The following ANK3 variants were observed in gnomAD, a reference collection of about 807,000 sequenced individuals.
The protein encoded by ANK3 is ankyrin-3.
In ANK3, 57 loss-of-function variants were observed where a neutral mutation model predicts 370.9. The observed-to-expected ratio is 0.15, with a 90% CI of 0.12 to 0.19. The LOEUF is 0.19. Among genes scored for constraint, ANK3 ranks in the 10% least tolerant of loss-of-function variants. The pLI, the probability that ANK3 is intolerant of heterozygous loss-of-function variation, is 1.00. For missense variants in ANK3, 4,439 were observed against 5,302.1 expected, an observed-to-expected ratio of 0.84 and a Z score of 5.06; for synonymous variants, 1,929 against 1,946.3, an observed-to-expected ratio of 0.99 and a Z score of 0.23.
At position 60,072,326 on chromosome 10, in the gene ANK3, A is replaced by C. The variant is rs1417254699; in HGVS notation, c.8555T>G (p.Phe2852Cys). 9 of 1,613,904 alleles carry C rather than the reference A, an allele frequency of 5.6e-6. No individual in the cohort carries two copies. The highest frequency in any genetic ancestry group is 7.6e-6 in the Non-Finnish European group (9 of 1,180,000). The change falls in exon 37 of 44, where the codon TTT (phenylalanine) becomes TGT (cysteine). Residue 2852 changes from phenylalanine (F) to cysteine (C), a missense_variant. Around this residue, in one of 13 missense-constraint regions of ANK3, gnomAD observed 1,601 missense variants for 1,731.7 expected, o/e 0.92. Transcript: ENST00000280772. Reference sequence around the variant, plus strand: ...GGCTCCCGAACTCTCCCATGTTCTAAAGACCTTTTTGTCCCATGGTCCCCT... The same window carrying C: ...GGCTCCCGAACTCTCCCATGTTCTACAGACCTTTTTGTCCCATGGTCCCCT... ...ATRGPWDKKV[F>C]RTWESSGATN...
intron 25 of ANK3, among the ~76,000 whole-genome samples, chr10:60,125,616 C>T (rs891345623): frequency 1.3e-5 from 2 of 152,106 alleles, no homozygotes; most frequent in Admixed American, 6.5e-5. Flanking sequence ...CGTTTCTGAG[C>T]ACCCCCCTTA....
chr10:60,258,833 A>G lies in ANK3; in HGVS notation c.798+3026T>C, dbSNP rs192976494. Among the ~76,000 whole-genome samples the G allele has an allele frequency of 6.8e-4, 103 of 152,334 alleles. 4 individuals are homozygous for G. In the East Asian group the frequency reaches 9.3e-3, roughly 14 times the overall value. ...CCCTACTGTATTTTGTCACAGGCAG[A>G]AAACAGAAATTGCAGCCCCCCAAGA... On this transcript the variant is annotated intron_variant, in intron 7 of 43. Transcript: ENST00000280772.
chr10:60,572,820 C>G, intron 2 of ANK3: 1 of 1,165,186 alleles, frequency 8.6e-7, no homozygotes, highest in Non-Finnish European at 1.1e-6. Context: ...CTAATCGTTA[C>G]CCTGAGATAA....
chr10:60,115,535 A>G (rs1279551897), intron 25 of ANK3, among the ~76,000 whole-genome samples: 2 of 152,238 alleles, frequency 1.3e-5, no homozygotes, highest in African/African-American at 2.4e-5. Context: ...AGGTAAGCTA[A>G]TAAGTGCTTT....
Position 60,219,023 on chromosome 10 carries a change from C to A in ANK3, c.898-5513G>T, listed in dbSNP as rs1174565057. 4.6e-5 allele frequency among the ~76,000 whole-genome samples: 7 copies of A among 151,776 alleles called. No individual in the cohort carries two copies. The East Asian group carries it at 1.2e-3, about 25-fold the overall frequency. On this transcript the variant is annotated intron_variant, in intron 8 of 43. Coordinates refer to ENST00000280772, the MANE Select transcript of ANK3 (RefSeq NM_020987.5). The stretch of plus-strand genomic sequence containing the variant: ...GTCTTGTCTGCATGCCTTATTTCAG[C>A]AAGGTAGTCTTCAAATTCTGATATC...
intron 1 of ANK3, among the ~76,000 whole-genome samples, chr10:60,308,295 C>CTTTT (rs66593889): frequency 2.6e-4 from 22 of 84,106 alleles, no homozygotes; most frequent in South Asian, 5.2e-4. Context: ...GGGAATCTGG[C>CTTTT]TTTTTTTTTT....
At chr10:60,597,778 G>A (rs1307634899) in intron 2 of ANK3, among the ~76,000 whole-genome samples, 1 of 152,074 alleles carries the variant, frequency 6.6e-6, no homozygotes, top group Admixed American at 6.6e-5. Flanking sequence ...AACTCAAGGA[G>A]AATAAAATCT....
chr10:60,058,961 G>A (rs1244228583), intron 41 of ANK3, among the ~76,000 whole-genome samples: 1 of 152,110 alleles, frequency 6.6e-6, no homozygotes, highest in Non-Finnish European at 1.5e-5. Flanking sequence ...CACCATGTTG[G>A]CCAGGCTGGT....
At chr10:60,259,168 A>T (rs899256943) in intron 7 of ANK3, among the ~76,000 whole-genome samples, 1 of 152,218 alleles carries the variant, frequency 6.6e-6, no homozygotes, top group Admixed American at 6.5e-5. Context: ...ATTATACAAC[A>T]AAATTGCTAC....
intron 43 of ANK3, among the ~76,000 whole-genome samples, chr10:60,031,579 A>T (rs144766543): frequency 2.2e-4 from 34 of 152,320 alleles, no homozygotes; most frequent in Admixed American, 5.9e-4. Flanking sequence ...GGCAAGAACA[A>T]TTTTAAGAAT....
At chr10:60,344,551 C>A (rs10761487) in intron 1 of ANK3, among the ~76,000 whole-genome samples, 2 of 151,450 alleles carry the variant, frequency 1.3e-5, no homozygotes, top group African/African-American at 4.9e-5. Flanking sequence ...CCCACGCACA[C>A]GGGCCATTAT....
intron 23 of ANK3, among the ~76,000 whole-genome samples, chr10:60,146,277 GGAA>G (rs2094819322): frequency 6.6e-6 from 1 of 152,164 alleles, no homozygotes; most frequent in Non-Finnish European, 1.5e-5. Flanking sequence ...TAACAAGGCA[GGAA>G]GAAGGAGATG....
intron 1 of ANK3, among the ~76,000 whole-genome samples, chr10:60,297,539 A>G (rs547898701): frequency 9.3e-4 from 141 of 152,264 alleles, no homozygotes; most frequent in African/African-American, 3.3e-3. Context: ...TTTGCAATAT[A>G]TTCTGAGGAT....
intron 2 of ANK3, among the ~76,000 whole-genome samples, chr10:60,495,539 G>A (rs1420820167): frequency 6.6e-6 from 1 of 152,078 alleles, no homozygotes; most frequent in Non-Finnish European, 1.5e-5. Flanking sequence ...CTCAGAATTC[G>A]AGTGCAATGC....
intron 2 of ANK3, among the ~76,000 whole-genome samples, chr10:60,479,609 T>C (rs1179219920): frequency 2.0e-5 from 3 of 152,110 alleles, no homozygotes; most frequent in African/African-American, 7.2e-5. Flanking sequence ...AGCTAAAAAT[T>C]TTCAAAGTCA....
chr10:60,335,869 G>A (rs570942206), intron 1 of ANK3, among the ~76,000 whole-genome samples: 2 of 152,216 alleles, frequency 1.3e-5, no homozygotes, highest in East Asian at 1.9e-4. Flanking sequence ...GAGAGGTGGA[G>A]ACACTTGTCC....
chr10:60,213,106 T>C (rs962912680), intron 9 of ANK3, among the ~76,000 whole-genome samples: 1 of 152,118 alleles, frequency 6.6e-6, no homozygotes, highest in African/African-American at 2.4e-5. Flanking sequence ...TGTAGAACTT[T>C]AGTCTTTCTT....
At chr10:60,511,558 T>C (rs951960960) in intron 2 of ANK3, among the ~76,000 whole-genome samples, 3 of 152,162 alleles carry the variant, frequency 2.0e-5, no homozygotes, top group African/African-American at 7.2e-5. Flanking sequence ...AGGGTATCCT[T>C]AATAAAAGGA....
At chr10:60,274,562 T>A (rs998233310) in intron 4 of ANK3, among the ~76,000 whole-genome samples, 1 of 152,092 alleles carries the variant, frequency 6.6e-6, no homozygotes, top group Admixed American at 6.6e-5. Context: ...ATGCAGGCTA[T>A]CTTCTGTTTT....
Sources: gnomAD v4.1 joint callset for allele counts (sites outside exome capture counted in the v4.1 genomes callset) on GRCh38, gnomAD v4.1.1 for gene constraint, gnomAD v4.1.1 regional missense constraint, MANE v1.5 for transcripts, NCBI Gene and HGNC (gene_info 2026-07-23, HGNC 2026-07-21) for gene names.